The following EFCAB11 variants were observed in gnomAD, a reference collection of about 807,000 sequenced individuals.
EFCAB11 encodes EF-hand calcium-binding domain-containing protein 11.
A neutral mutation model predicts 23.0 loss-of-function variants in EFCAB11; 14 were observed. That is an observed-to-expected ratio of 0.61 (90% CI 0.40 to 0.95). The LOEUF (loss-of-function observed/expected upper bound fraction) is 0.95, where lower values mean the gene tolerates loss of function less well. Ranked by LOEUF, EFCAB11 falls within the 40% of genes least tolerant of loss-of-function variation. EFCAB11 has a pLI of 0.00. For synonymous variants in EFCAB11, 65 were observed against 66.6 expected, an observed-to-expected ratio of 0.98 and a Z score of 0.11; for missense variants, 198 against 195.8, an observed-to-expected ratio of 1.01 and a Z score of -0.07.
chr14:89,873,521 T>C (rs1888345194), intron 5 of EFCAB11, among the ~76,000 whole-genome samples: 1 of 152,082 alleles, frequency 6.6e-6, no homozygotes, highest in East Asian at 1.9e-4. Flanking sequence ...AAGTCCACAG[T>C]CCAAAGTCTC....
intron 5 of EFCAB11, among the ~76,000 whole-genome samples, chr14:89,881,958 T>C (rs1290013125): frequency 1.3e-5 from 2 of 152,264 alleles, no homozygotes; most frequent in South Asian, 2.1e-4. Context: ...ATAAGCAATG[T>C]AGTATTACTA....
At chr14:89,924,879 T>A (rs1890139940) in intron 5 of EFCAB11, among the ~76,000 whole-genome samples, 1 of 152,230 alleles carries the variant, frequency 6.6e-6, no homozygotes, top group Non-Finnish European at 1.5e-5. Flanking sequence ...TAAGTGGCAA[T>A]GGACCAACGA....
At chr14:89,905,245 T>C (rs909260800) in intron 5 of EFCAB11, among the ~76,000 whole-genome samples, 16 of 152,166 alleles carry the variant, frequency 1.1e-4, no homozygotes, top group African/African-American at 3.9e-4. Context: ...ATGTGAGATA[T>C]TTACTATAGT....
chr14:89,863,636 T>C (rs1204715210), intron 5 of EFCAB11, among the ~76,000 whole-genome samples: 1 of 152,252 alleles, frequency 6.6e-6, no homozygotes, highest in Admixed American at 6.5e-5. Flanking sequence ...AGGAAGTGTG[T>C]CTTCTACTTC....
chr14:89,837,290 G>T, intron 5 of EFCAB11: 1 of 348,824 alleles, frequency 2.9e-6, no homozygotes, highest in Non-Finnish European at 5.7e-6. Context: ...CTCCCTTCCA[G>T]TTAGGTTTGG....
At chr14:89,934,166 T>C (rs1017390336) in intron 3 of EFCAB11, among the ~76,000 whole-genome samples, 4 of 152,170 alleles carry the variant, frequency 2.6e-5, no homozygotes, top group African/African-American at 7.2e-5. Context: ...AAGGTTTGAA[T>C]TGGGAAGTTA....
chr14:89,880,316 A>C (rs1367307373), intron 5 of EFCAB11, among the ~76,000 whole-genome samples: 1 of 152,100 alleles, frequency 6.6e-6, no homozygotes, highest in East Asian at 1.9e-4. Flanking sequence ...CAGACACTGA[A>C]TTTGCCAGTG....
In EFCAB11 at chr14:89,924,037, G is replaced by A. The variant is rs1890108293; in HGVS notation, c.410+7504C>T. The A allele has an allele frequency of 1.3e-5, 13 of 985,398 alleles. No homozygotes were observed. The South Asian group carries it at 5.6e-4, about 43-fold the overall frequency. The allele number at this position is 985,398 out of a possible 1,614,324, so 61.0% of individuals were successfully genotyped here. A position where few individuals can be genotyped will look rare whatever the true frequency, so the allele number is the denominator to read the frequency against. The stretch of plus-strand genomic sequence containing the variant: ...TGGTGACAGTCCTTACCCCTATAAT[G>A]GCTGTGATATAACATCTATATAATT... On this transcript the variant is annotated intron_variant, in intron 5 of 5. Transcript: ENST00000316738.
intron 5 of EFCAB11, among the ~76,000 whole-genome samples, chr14:89,896,322 G>A (rs759106608): frequency 4.0e-4 from 61 of 152,118 alleles, no homozygotes; most frequent in Middle Eastern, 6.8e-3. Flanking sequence ...CCCGGGAGGC[G>A]GAGCTTGCAG....
In EFCAB11 at chr14:89,921,675, A is replaced by G. The variant is rs541491718; in HGVS notation, c.410+9866T>C. On this transcript the variant is annotated intron_variant, in intron 5 of 5. Coordinates refer to ENST00000316738, the MANE Select transcript of EFCAB11 (RefSeq NM_145231.4). Reference sequence around the variant, plus strand: ...GAACGATGGGGTAGGAGGTAGGCAGACAAGATGGCCAGACATAAGGCAACA... The same window carrying G: ...GAACGATGGGGTAGGAGGTAGGCAGGCAAGATGGCCAGACATAAGGCAACA... Among the ~76,000 whole-genome samples the G allele has an allele frequency of 2.7e-4, 41 of 152,354 alleles. 1 individual carries two copies. Among genetic ancestry groups the G allele is most frequent in the African/African-American group, 9.9e-4 (41 of 41,578 alleles).
chr14:89,915,195 C>G (rs1427670085), intron 5 of EFCAB11, among the ~76,000 whole-genome samples: 1 of 152,170 alleles, frequency 6.6e-6, no homozygotes, highest in East Asian at 1.9e-4. Context: ...AGGATGGAGT[C>G]AGATGTTACA....
At chr14:89,813,750 A>T (rs1363604874) in intron 5 of EFCAB11, among the ~76,000 whole-genome samples, 1 of 152,140 alleles carries the variant, frequency 6.6e-6, no homozygotes, top group East Asian at 1.9e-4. Context: ...AGCTGAGGGA[A>T]AATTCATGTT....
chr14:89,911,429 C>A (rs2140216131), intron 5 of EFCAB11, among the ~76,000 whole-genome samples: 1 of 152,312 alleles, frequency 6.6e-6, no homozygotes, highest in Non-Finnish European at 1.5e-5. Context: ...ACTACGCAGA[C>A]AAACACGAGA....
intron 5 of EFCAB11, chr14:89,830,521 C>T (rs892490133): frequency 1.3e-5 from 2 of 152,126 alleles, no homozygotes; most frequent in African/African-American, 4.8e-5. Context: ...TTGCAACAGA[C>T]TGGAAATTTA....
intron 5 of EFCAB11, among the ~76,000 whole-genome samples, chr14:89,914,704 G>C (rs1889781562): frequency 6.6e-6 from 1 of 152,026 alleles, no homozygotes; most frequent in Non-Finnish European, 1.5e-5. Context: ...AGAATCGCTT[G>C]AATCTGGGAG....
intron 5 of EFCAB11, among the ~76,000 whole-genome samples, chr14:89,872,802 G>C (rs113836920): frequency 0.011 from 1,607 of 148,616 alleles, 9 homozygotes; most frequent in Non-Finnish European, 0.017. Flanking sequence ...CACACACACA[G>C]ACACACACAC....
At chr14:89,801,677 A>C (rs1885785748) in intron 5 of EFCAB11, among the ~76,000 whole-genome samples, 1 of 152,182 alleles carries the variant, frequency 6.6e-6, no homozygotes, top group Non-Finnish European at 1.5e-5. Context: ...GTAAAAGTAA[A>C]AATATTTTGA....
intron 3 of EFCAB11, among the ~76,000 whole-genome samples, chr14:89,947,876 C>T (rs910566748): frequency 1.1e-4 from 16 of 152,172 alleles, no homozygotes; most frequent in African/African-American, 3.9e-4. Flanking sequence ...CAGCCCAGAA[C>T]TTACTTCTGA....
intron 4 of EFCAB11, 135 bp downstream of exon 4, chr14:89,932,391 C>A: frequency 3.0e-6 from 2 of 658,894 alleles, no homozygotes; most frequent in Non-Finnish European, 5.0e-6. Flanking sequence ...GCATCAATAC[C>A]TAAGGTAACA....
Sources: allele counts gnomAD v4.1 joint callset (sites outside exome capture counted in the v4.1 genomes callset), GRCh38; gene constraint gnomAD v4.1.1; transcripts MANE v1.5; gene names NCBI Gene and HGNC (gene_info 2026-07-23, HGNC 2026-07-21).